MTUS1: variants seen among roughly 807,000 people sequenced by gnomAD.
MTUS1 encodes microtubule-associated tumor suppressor 1.
A neutral mutation model predicts 120.8 loss-of-function variants in MTUS1; 109 were observed. The observed-to-expected ratio is 0.90, with a 90% CI of 0.77 to 1.06. The LOEUF (loss-of-function observed/expected upper bound fraction) is 1.06, where lower values mean the gene tolerates loss of function less well. MTUS1 is among the 50% of genes least tolerant of loss of function. The probability of loss-of-function intolerance (pLI) is 0.00; values close to 1 mark genes in which losing one functional copy is unlikely to be tolerated. For synonymous variants in MTUS1, 737 were observed against 550.5 expected, an observed-to-expected ratio of 1.34 and a Z score of -4.74; for missense variants, 2,210 against 1,486.3, an observed-to-expected ratio of 1.49 and a Z score of -8.01.
chr8:17,779,045 T>G (rs1398413340), intron 1 of MTUS1, among the ~76,000 whole-genome samples: 1 of 152,084 alleles, frequency 6.6e-6, no homozygotes, highest in Non-Finnish European at 1.5e-5. Context: ...TAGGAAAGCA[T>G]GGATGCTCTG....
At chr8:17,649,290 C>G (rs1806484443) in intron 13 of MTUS1, among the ~76,000 whole-genome samples, 1 of 152,132 alleles carries the variant, frequency 6.6e-6, no homozygotes, top group East Asian at 1.9e-4. Context: ...CTCCTGACCT[C>G]AAGTGACCCA....
rs201419670 is a variant in MTUS1, at chr8:17,754,454, T to C, written c.1354A>G (p.Lys452Glu). The change falls in exon 2 of 15, where the codon AAG becomes GAG. Residue 452 changes from lysine (K) to glutamate (E), a missense_variant. By Grantham distance (56) the Lys-to-Glu change is moderately conservative. Coordinates refer to ENST00000693296, the MANE Select transcript of MTUS1 (RefSeq NM_001363059.2). ...CCTCGATTACCCTTCTCCACTTTCTTACATTTCTCCGTCGCTTCAATCGGT... is the reference window on the plus strand; with the variant it reads ...CCTCGATTACCCTTCTCCACTTTCTCACATTTCTCCGTCGCTTCAATCGGT... ...VSPIEATEKC[K>E]KVEKGNRGLK... The C allele has an allele frequency of 1.5e-4, 241 of 1,614,118 alleles. 1 individual carries two copies. The highest frequency in any genetic ancestry group is 1.8e-4 in the Non-Finnish European group (210 of 1,180,040).
chr8:17,799,422 C>A (rs915839502), intron 1 of MTUS1, among the ~76,000 whole-genome samples: 4 of 151,990 alleles, frequency 2.6e-5, no homozygotes, highest in Admixed American at 6.6e-5. Flanking sequence ...AAAAATTTTT[C>A]TATATATTAA....
intron 6 of MTUS1, among the ~76,000 whole-genome samples, chr8:17,686,197 C>A (rs80086302): frequency 0.019 from 2,836 of 152,310 alleles, 96 homozygotes; most frequent in African/African-American, 0.065. Flanking sequence ...TAGACAACTT[C>A]TATGGGAATC....
At chr8:17,796,871 G>C (rs903139067) in intron 1 of MTUS1, among the ~76,000 whole-genome samples, 3 of 152,312 alleles carry the variant, frequency 2.0e-5, no homozygotes, top group African/African-American at 7.2e-5. Context: ...CCCAGCATTT[G>C]GGAGGCTGAC....
At chr8:17,689,167 C>T (rs1453043373) in intron 6 of MTUS1, among the ~76,000 whole-genome samples, 1 of 152,174 alleles carries the variant, frequency 6.6e-6, no homozygotes, top group African/African-American at 2.4e-5. Context: ...GCCGAGATCA[C>T]GCCACTGCAC....
At chr8:17,668,465 C>G (rs113891059) in intron 8 of MTUS1, among the ~76,000 whole-genome samples, 1,848 of 152,246 alleles carry the variant, frequency 0.012, 47 homozygotes, top group African/African-American at 0.043. Context: ...ATCCTAGAGG[C>G]AAAATGTCTG....
At chr8:17,760,632 A>T (rs1459894423) in intron 1 of MTUS1, among the ~76,000 whole-genome samples, 1 of 152,176 alleles carries the variant, frequency 6.6e-6, no homozygotes, top group South Asian at 2.1e-4. Flanking sequence ...CTAAGCTTGC[A>T]CCACTTGCTC....
chr8:17,721,953 C>G, intron 4 of MTUS1: 2 of 1,551,564 alleles, frequency 1.3e-6, no homozygotes. Context: ...CATGTTCACT[C>G]TCATATCCCT....
intron 1 of MTUS1, among the ~76,000 whole-genome samples, chr8:17,782,735 T>TA (rs1225288862): frequency 6.6e-6 from 1 of 152,148 alleles, no homozygotes; most frequent in Non-Finnish European, 1.5e-5. Context: ...GTCTACAGTG[T>TA]AAAAAATGTT....
At chr8:17,734,709 C>A (rs1198655622) in intron 3 of MTUS1, among the ~76,000 whole-genome samples, 1 of 152,104 alleles carries the variant, frequency 6.6e-6, no homozygotes, top group Non-Finnish European at 1.5e-5. Flanking sequence ...TCCCAGCTAC[C>A]ATACAAAGGA....
chr8:17,659,407 G>C (rs1048331983), intron 8 of MTUS1, among the ~76,000 whole-genome samples: 1 of 152,164 alleles, frequency 6.6e-6, no homozygotes, highest in Admixed American at 6.5e-5. Context: ...AATAAAAACT[G>C]TGATGAGGGC....
At position 17,649,981 on chromosome 8, in the gene MTUS1, G is replaced by T; in HGVS notation, c.3385-19C>A. On this transcript the variant is annotated intron_variant, in intron 12 of 14. Coordinates refer to ENST00000693296, the MANE Select transcript of MTUS1 (RefSeq NM_001363059.2). The stretch of plus-strand genomic sequence containing the variant: ...GATTTTTCTGGAAAGGACACAGCAA[G>T]ATACTGCTCTTATTCCACATAGTTC... The T allele has an allele frequency of 8.2e-7, 1 of 1,214,140 alleles. No homozygotes were observed. Among genetic ancestry groups the T allele is most frequent in the Non-Finnish European group, 1.2e-6 (1 of 815,456 alleles). The allele number at this position is 1,214,140 out of a possible 1,614,324, so 75.2% of individuals were successfully genotyped here.
chr8:17,678,508 G>A (rs1207855686), intron 7 of MTUS1, among the ~76,000 whole-genome samples: 2 of 152,202 alleles, frequency 1.3e-5, no homozygotes, highest in Admixed American at 6.5e-5. Context: ...TCTGGCTGTG[G>A]TCCCATCGGT....
intron 1 of MTUS1, among the ~76,000 whole-genome samples, chr8:17,792,545 G>C (rs2051880823): frequency 6.6e-6 from 1 of 152,200 alleles, no homozygotes; most frequent in Admixed American, 6.5e-5. Context: ...TCCCTTTGCA[G>C]AGGTGCCATC....
chr8:17,690,681 G>C (rs1005371803), intron 6 of MTUS1, among the ~76,000 whole-genome samples: 1 of 151,914 alleles, frequency 6.6e-6, no homozygotes, highest in African/African-American at 2.4e-5. Flanking sequence ...CTAAACTGTC[G>C]ACAAGCAATT....
chr8:17,676,363 T>G, intron 7 of MTUS1: 3 of 702,362 alleles, frequency 4.3e-6, no homozygotes, highest in Non-Finnish European at 7.8e-6. Flanking sequence ...CCCCCACCCC[T>G]CGCACTGTGC....
Position 17,754,857 on chromosome 8 carries a change from T to C in MTUS1, c.951A>G (p.Glu317=), listed in dbSNP as rs61733695. The stretch of plus-strand genomic sequence containing the variant: ...TCTGTGAATGTGGTTCGCTATTGGA[T>C]TCATCATGGGATAAACAAAAGAACT... The part of the protein sequence containing the change: ...LQEFFCLSHD[E]SNSEPHSQSS... Residue 317 remains glutamate (E), a synonymous_variant, in exon 2 of 15, where the codon GAA becomes GAG. Coordinates refer to ENST00000693296, the MANE Select transcript of MTUS1 (RefSeq NM_001363059.2). 218 of 1,614,242 alleles carry C rather than the reference T, an allele frequency of 1.4e-4. No homozygotes were observed. The African/African-American group carries it at 2.6e-3, about 20-fold the overall frequency.
At chr8:17,727,542 G>A (rs2046301692) in intron 3 of MTUS1, among the ~76,000 whole-genome samples, 1 of 152,188 alleles carries the variant, frequency 6.6e-6, no homozygotes. Flanking sequence ...CAGTCCCGAC[G>A]TTTAGCTTAA....
Sources: allele counts gnomAD v4.1 joint callset (sites outside exome capture counted in the v4.1 genomes callset), GRCh38; gene constraint gnomAD v4.1.1; transcripts MANE v1.5; gene names NCBI Gene and HGNC (gene_info 2026-07-23, HGNC 2026-07-21).